The following HP1BP3 variants were observed in gnomAD, a reference collection of about 807,000 sequenced individuals.
HP1BP3 encodes the protein heterochromatin protein 1 binding protein 3, also known as heterochromatin protein 1-binding protein 3.
Under a neutral mutation model 62.5 loss-of-function variants are expected in HP1BP3, and 12 were observed. The ratio of observed to expected loss-of-function variants is 0.19; its 90% confidence interval spans 0.12 to 0.31. HP1BP3 has a LOEUF of 0.31. Among genes scored for constraint, HP1BP3 ranks in the 10% least tolerant of loss-of-function variants. The pLI is 1.00. For missense variants in HP1BP3, 502 were observed against 651.8 expected (o/e 0.77, Z 2.50); for synonymous variants, 260 against 237.8 (o/e 1.09, Z -0.86).
intron 9 of HP1BP3, among the ~76,000 whole-genome samples, chr1:20,756,484 C>A (rs2056116088): frequency 6.6e-6 from 1 of 151,852 alleles, no homozygotes; most frequent in Non-Finnish European, 1.5e-5. Flanking sequence ...GCTGGAGGAC[C>A]CCTTGAACCT....
intron 8 of HP1BP3, among the ~76,000 whole-genome samples, chr1:20,760,608 G>A (rs74737401): frequency 0.02 from 2,989 of 150,992 alleles, 27 homozygotes; most frequent in Non-Finnish European, 0.024. Context: ...AGGCCAAGGC[G>A]GTCAGATCAC....
In HP1BP3 at chr1:20,742,133, G is replaced by A. The variant is rs964268590; in HGVS notation, c.*2664C>T. 6.6e-6 allele frequency among the ~76,000 whole-genome samples: 1 copy of A among 152,224 alleles called. No individual in the cohort carries two copies. Among genetic ancestry groups the A allele is most frequent in the Admixed American group, 6.5e-5 (1 of 15,278 alleles). The stretch of plus-strand genomic sequence containing the variant: ...TGCCTGGTGTGCAATACAGCCACCA[G>A]GTGATTATTCAGTAAGTCTCTTTAA... On this transcript the variant is annotated 3_prime_UTR_variant, in exon 13 of 13. Coordinates refer to ENST00000438032, the MANE Select transcript of HP1BP3 (RefSeq NM_001372052.1).
At chr1:20,752,995 G>A (rs2055870033) in intron 9 of HP1BP3, among the ~76,000 whole-genome samples, 1 of 151,982 alleles carries the variant, frequency 6.6e-6, no homozygotes, top group East Asian at 1.9e-4. Context: ...AGGCTGGAGT[G>A]CAGTGGCGTG....
At chr1:20,747,714 C>T in intron 10 of HP1BP3, 59 bp from the exon 11 acceptor site, 1 of 977,770 alleles carries the variant, frequency 1.0e-6, no homozygotes, top group Admixed American at 2.0e-5. Flanking sequence ...ATAATTCCCT[C>T]AACCACAAAC....
At position 20,780,355 on chromosome 1, in the gene HP1BP3, T is replaced by G; in HGVS notation, c.86A>C (p.Lys29Thr). ...IVGAQLIHAD[K>T]LGEKVEDSTM... ...TGTGTCAGCCCCTACCTCACCTAAC[T>G]TGTCCGCGTGGATCAGCTGAGCTCC... Residue 29 changes from lysine (K) to threonine (T), a missense_variant, in exon 2 of 13, where the codon AAG becomes ACG. Physicochemically the swap from Lys to Thr is moderately conservative, Grantham distance 78. Coordinates refer to ENST00000438032, the MANE Select transcript of HP1BP3 (RefSeq NM_001372052.1). 2.5e-6 allele frequency: 4 copies of G among 1,612,928 alleles called. No homozygotes were observed. Among genetic ancestry groups the G allele is most frequent in the Non-Finnish European group, 3.4e-6 (4 of 1,178,896 alleles).
chr1:20,772,859 G>A (rs1271093838), intron 5 of HP1BP3, among the ~76,000 whole-genome samples: 1 of 152,212 alleles, frequency 6.6e-6, no homozygotes, highest in Non-Finnish European at 1.5e-5. Context: ...TACATCTAAT[G>A]AAAGTCAATG....
chr1:20,749,690 A>C, intron 10 of HP1BP3, 33 bp downstream of exon 10: 1 of 1,581,126 alleles, frequency 6.3e-7, no homozygotes, highest in Admixed American at 1.8e-5. Context: ...AAATTCTCCT[A>C]ATCCCAGTTA....
At chr1:20,755,068 C>A (rs1452015435) in intron 9 of HP1BP3, among the ~76,000 whole-genome samples, 2 of 152,064 alleles carry the variant, frequency 1.3e-5, no homozygotes, top group Non-Finnish European at 2.9e-5. Flanking sequence ...TTCTTGTTAA[C>A]GAATAACCAA....
Position 20,745,133 on chromosome 1 carries a change from G to T in HP1BP3, c.1368-42C>A. On this transcript the variant is annotated intron_variant, in intron 12 of 12. Coordinates refer to ENST00000438032, the MANE Select transcript of HP1BP3 (RefSeq NM_001372052.1). ...GCAAAGGCCGTCATTTAGTACTTAA[G>T]AGATTCGTTTTGTTGGGACAACCAG... is the stretch of plus-strand genomic sequence containing the variant. The T allele has an allele frequency of 2.6e-6, 4 of 1,548,570 alleles. No individual in the cohort carries two copies. The South Asian group carries it at 5.0e-5, about 19-fold the overall frequency.
At chr1:20,761,221 A>T (rs2154540352) in intron 8 of HP1BP3, among the ~76,000 whole-genome samples, 1 of 151,750 alleles carries the variant, frequency 6.6e-6, no homozygotes, top group South Asian at 2.1e-4. Flanking sequence ...ATTTTTTTGT[A>T]TTTTTAGTAG....
At chr1:20,760,520 A>G (rs916398180) in intron 8 of HP1BP3, among the ~76,000 whole-genome samples, 1 of 151,950 alleles carries the variant, frequency 6.6e-6, no homozygotes, top group East Asian at 1.9e-4. Flanking sequence ...CAGTCTGGGC[A>G]ACAGAGCAAG....
chr1:20,783,526 AAAC>A (rs1036936137), intron 1 of HP1BP3, among the ~76,000 whole-genome samples: 12 of 151,708 alleles, frequency 7.9e-5, no homozygotes, highest in Admixed American at 5.3e-4. Flanking sequence ...CTCAAAAAAC[AAAC>A]AACAACAATT....
At chr1:20,754,507 A>C (rs181992599) in intron 9 of HP1BP3, among the ~76,000 whole-genome samples, 3 of 151,630 alleles carry the variant, frequency 2.0e-5, no homozygotes, top group African/African-American at 7.3e-5. Flanking sequence ...ATTTGTATGG[A>C]ACTGTACAGG....
intron 10 of HP1BP3, among the ~76,000 whole-genome samples, chr1:20,748,215 T>C (rs890207293): frequency 3.9e-5 from 6 of 152,218 alleles, no homozygotes; most frequent in Admixed American, 1.3e-4. Flanking sequence ...TGTGTACCTA[T>C]AGGTATTGAT....
intron 11 of HP1BP3, among the ~76,000 whole-genome samples, chr1:20,747,255 T>A (rs1400775364): frequency 1.3e-5 from 2 of 152,168 alleles, no homozygotes; most frequent in African/African-American, 4.8e-5. Flanking sequence ...ATTAGCCCAC[T>A]TTATATGTGG....
At chr1:20,771,099 G>GTT (rs200157360) in intron 5 of HP1BP3, 26 bp from the exon 6 acceptor site, 6 of 1,538,532 alleles carry the variant, frequency 3.9e-6, no homozygotes, top group Non-Finnish European at 5.3e-6. Flanking sequence ...TAAACTAGTT[G>GTT]TTTTTTTTTA....
intron 8 of HP1BP3, among the ~76,000 whole-genome samples, chr1:20,765,050 G>T (rs1977296): frequency 0.45 from 66,706 of 149,740 alleles, 15,135 homozygotes; most frequent in African/African-American, 0.46. Flanking sequence ...GTGCCTGTAG[G>T]CGCAGCTACC....
intron 10 of HP1BP3, among the ~76,000 whole-genome samples, chr1:20,748,064 T>C (rs1329938235): frequency 6.6e-6 from 1 of 151,854 alleles, no homozygotes; most frequent in Non-Finnish European, 1.5e-5. Context: ...TCAAATACCT[T>C]ATTTCACAGG....
At chr1:20,776,947 TTATC>T (rs1460728836) in intron 3 of HP1BP3, among the ~76,000 whole-genome samples, 197 bp from the exon 4 acceptor site, 2 of 152,208 alleles carry the variant, frequency 1.3e-5, no homozygotes, top group Non-Finnish European at 2.9e-5. Flanking sequence ...AGGTGGTTAT[TTATC>T]TATTATTAGA....
Sources: gnomAD v4.1 joint callset for allele counts (sites outside exome capture counted in the v4.1 genomes callset) on GRCh38, gnomAD v4.1.1 for gene constraint, MANE v1.5 for transcripts, NCBI Gene and HGNC (gene_info 2026-07-23, HGNC 2026-07-21) for gene names.